CAMLG: variants seen among roughly 807,000 people sequenced by gnomAD.
The protein encoded by CAMLG is guided entry of tail-anchored proteins factor CAMLG.
A neutral mutation model predicts 28.9 loss-of-function variants in CAMLG; 23 were observed. The observed-to-expected ratio is 0.80, with a 90% CI of 0.57 to 1.13. The LOEUF (loss-of-function observed/expected upper bound fraction) is 1.13, where lower values mean the gene tolerates loss of function less well. CAMLG is among the 50% of genes most tolerant of loss of function. The pLI is 0.00. For missense variants in CAMLG, 367 were observed against 371.9 expected, an observed-to-expected ratio of 0.99 and a Z score of 0.11; for synonymous variants, 141 against 146.5, an observed-to-expected ratio of 0.96 and a Z score of 0.27.
chr5:134,744,000 C>G lies in CAMLG; in HGVS notation c.647C>G (p.Pro216Arg). ...CTATCTTCACAGTCCATATTTGCTC[C>G]ATTTCTTACTTTACAACTTGCGTAC... ...FVCKYLSIFAPFLTLQLAYMG... is the reference protein window; with the variant it reads ...FVCKYLSIFARFLTLQLAYMG... Residue 216 changes from proline (P) to arginine (R), a missense_variant, in exon 3 of 4, where the codon CCA (proline) becomes CGA (arginine). Coordinates refer to ENST00000297156, the MANE Select transcript of CAMLG (RefSeq NM_001745.4). 7.1e-7 allele frequency: 1 copy of G among 1,402,190 alleles called. No homozygotes were observed. Among genetic ancestry groups the G allele is most frequent in the Non-Finnish European group, 1.0e-6 (1 of 990,682 alleles). 86.9% of individuals were successfully genotyped at this position (1,402,190 alleles called of 1,614,324 possible).
chr5:134,747,598 G>A (rs2150122178), intron 3 of CAMLG, among the ~76,000 whole-genome samples: 1 of 150,422 alleles, frequency 6.6e-6, no homozygotes, highest in African/African-American at 2.4e-5. Flanking sequence ...CGCCTGCCTC[G>A]GCCCCCCAAA....
Position 134,738,717 on chromosome 5 carries a change from C to T in CAMLG, c.97C>T (p.Arg33Trp), listed in dbSNP as rs774232800. The T allele has an allele frequency of 1.2e-6, 2 of 1,613,994 alleles. No homozygotes were observed. Among genetic ancestry groups the T allele is most frequent in the Admixed American group, 1.7e-5 (1 of 60,002 alleles). The change falls in exon 1 of 4, where the codon CGG becomes TGG. Residue 33 changes from arginine (R) to tryptophan (W), a missense_variant. Physicochemically the swap from Arg to Trp is moderately radical, Grantham distance 101. Coordinates refer to ENST00000297156, the MANE Select transcript of CAMLG (RefSeq NM_001745.4). ...TTCCCAGCGTCGGGCGGAGCTGCGT[C>T]GGAGAAAGCTGCTCATGAACTCGGA... The part of the protein sequence containing the change: ...SASQRRAELR[R>W]RKLLMNSEQR...
Position 134,738,701 on chromosome 5 carries a change from T to A in CAMLG, c.81T>A (p.Arg27=). ...GCTCAGGTCTGTCGGCTTCCCAGCG[T>A]CGGGCGGAGCTGCGTCGGAGAAAGC... ...PAGSGLSASQ[R]RAELRRRKLL... Residue 27 remains arginine (R), a synonymous_variant, in exon 1 of 4, where the codon CGT becomes CGA. Transcript: ENST00000297156. The A allele has an allele frequency of 6.2e-7, 1 of 1,613,844 alleles. No homozygotes were observed. Among genetic ancestry groups the A allele is most frequent in the Non-Finnish European group, 8.5e-7 (1 of 1,179,912 alleles).
intron 3 of CAMLG, among the ~76,000 whole-genome samples, chr5:134,749,068 AG>A (rs1753083144): frequency 6.7e-6 from 1 of 149,706 alleles, no homozygotes; most frequent in Admixed American, 6.7e-5. Context: ...AGGTAACTAT[AG>A]GGTTTTTTTT....
At chr5:134,749,539 T>C (rs1327632048) in intron 3 of CAMLG, among the ~76,000 whole-genome samples, 1 of 152,220 alleles carries the variant, frequency 6.6e-6, no homozygotes, top group East Asian at 1.9e-4. Context: ...CCCTATTGGA[T>C]GTGTAATCAA....
chr5:134,745,500 C>T (rs1324994169), intron 3 of CAMLG, among the ~76,000 whole-genome samples: 1 of 151,546 alleles, frequency 6.6e-6, no homozygotes. Flanking sequence ...CGCCCTAATC[C>T]CAGCACTTTC....
At chr5:134,750,682 G>A in intron 3 of CAMLG, 77 bp from the exon 4 acceptor site, 1 of 967,328 alleles carries the variant, frequency 1.0e-6, no homozygotes, top group East Asian at 2.4e-5. Flanking sequence ...AAAAACAGCA[G>A]TACTGATCAT....
chr5:134,738,806 T>C lies in CAMLG; in HGVS notation c.172+14T>C. On this transcript the variant is annotated intron_variant, in intron 1 of 3. Coordinates refer to ENST00000297156, the MANE Select transcript of CAMLG (RefSeq NM_001745.4). ...GGAGCGGCGCGGGTAAGAGCCTCGA[T>C]TTCCCCTCAGTCTCCCGCCCATCAC... 1 of 1,613,476 alleles carries C rather than the reference T, an allele frequency of 6.2e-7. No individual in the cohort carries two copies. The highest frequency in any genetic ancestry group is 1.3e-5 in the African/African-American group (1 of 75,020).
rs1371579693 is a variant in CAMLG at position 134,738,584 on chromosome 5, C to T, written c.-37C>T. On this transcript the variant is annotated 5_prime_UTR_variant, in exon 1 of 4. Transcript: ENST00000297156. ...GCCCTCGCAGCGGCGGCCAACATCACCGCCACTGCCACCCCTCCCAGACTG... is the reference window on the plus strand; with the variant it reads ...GCCCTCGCAGCGGCGGCCAACATCATCGCCACTGCCACCCCTCCCAGACTG... 2 of 1,541,196 alleles carry T rather than the reference C, an allele frequency of 1.3e-6. No homozygotes were observed. The highest frequency in any genetic ancestry group is 2.3e-5 in the East Asian group (1 of 43,434).
chr5:134,744,226 C>A (rs903018025), intron 3 of CAMLG, among the ~76,000 whole-genome samples, 174 bp downstream of exon 3: 1 of 151,942 alleles, frequency 6.6e-6, no homozygotes, highest in Admixed American at 6.6e-5. Context: ...ACATTAAGTT[C>A]AAAAAATGAG....
At chr5:134,748,949 T>G (rs988773004) in intron 3 of CAMLG, among the ~76,000 whole-genome samples, 1 of 152,204 alleles carries the variant, frequency 6.6e-6, no homozygotes, top group Admixed American at 6.5e-5. Flanking sequence ...ATTTATCTAG[T>G]CTCCTATAGA....
At chr5:134,740,420 C>T (rs975663093) in intron 1 of CAMLG, among the ~76,000 whole-genome samples, 2 of 152,146 alleles carry the variant, frequency 1.3e-5, no homozygotes, top group Non-Finnish European at 2.9e-5. Context: ...TGCAATCATA[C>T]ATCTGGGATA....
At chr5:134,744,480 C>T (rs1316256879) in intron 3 of CAMLG, among the ~76,000 whole-genome samples, 6 of 147,642 alleles carry the variant, frequency 4.1e-5, no homozygotes, top group Admixed American at 2.0e-4. Flanking sequence ...GCCAAGATTG[C>T]GCCACTGCAC....
In CAMLG at chr5:134,749,956, C is replaced by T. The variant is rs990688684; in HGVS notation, c.700-803C>T. Among the ~76,000 whole-genome samples the T allele has an allele frequency of 2.9e-4, 44 of 152,308 alleles. 1 individual carries two copies. Among genetic ancestry groups the T allele is most frequent in the African/African-American group, 9.1e-4 (38 of 41,574 alleles). On this transcript the variant is annotated intron_variant, in intron 3 of 3. Transcript: ENST00000297156. ...CTAGGCTCAAGCCATCACCCAGCCT[C>T]GGCATCCCAAAGTGCTGGGATTAGA...
Position 134,738,785 on chromosome 5 carries a change from C to T in CAMLG, c.165C>T (p.Ser55=). 6.2e-7 allele frequency: 1 copy of T among 1,613,944 alleles called. No homozygotes were observed. Among genetic ancestry groups the T allele is most frequent in the Non-Finnish European group, 8.5e-7 (1 of 1,179,932 alleles). The change falls in exon 1 of 4, where the codon AGC becomes AGT. Residue 55 remains serine, a synonymous_variant. Coordinates refer to ENST00000297156, the MANE Select transcript of CAMLG (RefSeq NM_001745.4). ...NRIMGFHRPG[S]GAEEESQTKS... ...TCATGGGCTTTCACAGGCCCGGGAG[C>T]GGCGCGGGTAAGAGCCTCGATTTCC...
Position 134,741,131 on chromosome 5 carries a change from G to C in CAMLG, c.241G>C (p.Val81Leu), listed in dbSNP as rs138554602. The C allele has an allele frequency of 1.2e-6, 2 of 1,614,006 alleles. No individual in the cohort carries two copies. The highest frequency in any genetic ancestry group is 1.7e-6 in the Non-Finnish European group (2 of 1,179,980). Reference protein sequence around the residue: ...DKLNSLSVPSVSKRVVLGDSV... With the variant: ...DKLNSLSVPSLSKRVVLGDSV... Reference sequence around the variant, plus strand: ...ACTGAACTCCCTCAGCGTTCCTTCCGTTTCAAAGCGAGTAGTGCTGGGTGA... The same window carrying C: ...ACTGAACTCCCTCAGCGTTCCTTCCCTTTCAAAGCGAGTAGTGCTGGGTGA... Residue 81 changes from valine to leucine, a missense_variant, in exon 2 of 4, where the codon GTT becomes CTT. Val to Leu is a conservative substitution (Grantham distance 32). Transcript: ENST00000297156.
intron 3 of CAMLG, among the ~76,000 whole-genome samples, chr5:134,745,293 G>C (rs1043954959): frequency 3.0e-4 from 46 of 151,792 alleles, no homozygotes; most frequent in Non-Finnish European, 6.5e-4. Context: ...AAAGTTAGCC[G>C]GGCGTGGTGG....
intron 3 of CAMLG, among the ~76,000 whole-genome samples, chr5:134,749,071 G>GTTT: frequency 7.2e-6 from 1 of 139,290 alleles, no homozygotes; most frequent in East Asian, 2.0e-4. Flanking sequence ...TAACTATAGG[G>GTTT]TTTTTTTTTT....
chr5:134,747,455 T>TA (rs1172142646), intron 3 of CAMLG, among the ~76,000 whole-genome samples: 1 of 151,858 alleles, frequency 6.6e-6, no homozygotes, highest in Non-Finnish European at 1.5e-5. Flanking sequence ...ACCATTCTCC[T>TA]ACCTCAGCTT....
Sources: allele counts gnomAD v4.1 joint callset (sites outside exome capture counted in the v4.1 genomes callset), GRCh38; gene constraint gnomAD v4.1.1; transcripts MANE v1.5; gene names NCBI Gene and HGNC (gene_info 2026-07-23, HGNC 2026-07-21).